Variants in TLCD3B observed in about 807,000 individuals in gnomAD.
TLCD3B encodes ceramide synthase.
In TLCD3B, 9 loss-of-function variants were observed where a neutral mutation model predicts 23.0. That is an observed-to-expected ratio of 0.39 (90% CI 0.24 to 0.68). The LOEUF (loss-of-function observed/expected upper bound fraction) is 0.68, where lower values mean the gene tolerates loss of function less well. Ranked by LOEUF, TLCD3B falls within the 30% of genes least tolerant of loss-of-function variation. The pLI is 0.44. For synonymous variants in TLCD3B, 161 were observed against 161.0 expected (o/e 1.00, Z 0.00); for missense variants, 307 against 371.8 (o/e 0.83, Z 1.43).
intron 3 of TLCD3B, among the ~76,000 whole-genome samples, chr16:30,037,714 G>A (rs1368328588): frequency 1.4e-5 from 2 of 144,958 alleles, no homozygotes; most frequent in Non-Finnish European, 3.0e-5. Flanking sequence ...TCCATCCTGG[G>A]CAACAGAGTA....
chr16:30,043,837 A>T (rs1450213035), intron 2 of TLCD3B, among the ~76,000 whole-genome samples: 1 of 150,066 alleles, frequency 6.7e-6, no homozygotes, highest in Non-Finnish European at 1.5e-5. Flanking sequence ...GCAAGCCACC[A>T]CCATGCACGG....
At chr16:30,036,723 T>C (rs1177025679) in intron 3 of TLCD3B, among the ~76,000 whole-genome samples, 3 of 152,080 alleles carry the variant, frequency 2.0e-5, no homozygotes, top group East Asian at 1.9e-4. Context: ...TTAGAATCCA[T>C]TGGTGACTTG....
chr16:30,035,471 G>T (rs2071450365), upstream of TLCD3B: 3 of 1,289,506 alleles, frequency 2.3e-6, no homozygotes, highest in Non-Finnish European at 3.0e-6. Context: ...GAACAGCAGG[G>T]TCATGCCTGC....
At chr16:30,039,165 C>T (rs1032568588) in intron 3 of TLCD3B, among the ~76,000 whole-genome samples, 1 of 123,336 alleles carries the variant, frequency 8.1e-6, no homozygotes, top group African/African-American at 3.1e-5. Flanking sequence ...ATCCAGGTAT[C>T]CAGGCTGGAG....
chr16:30,027,779 TG>T, intron 2 of TLCD3B: 1 of 412,244 alleles, frequency 2.4e-6, no homozygotes, highest in South Asian at 1.8e-5. Context: ...AAGACTGGCC[TG>T]GGGTGGGGGC....
At chr16:30,036,466 G>C in intron 3 of TLCD3B, 1 of 1,204,300 alleles carries the variant, frequency 8.3e-7, no homozygotes, top group Non-Finnish European at 1.1e-6. Context: ...ACCAGGTCCT[G>C]CCATCCTGCC....
chr16:30,032,352 C>T (rs548331950), upstream of TLCD3B, among the ~76,000 whole-genome samples: 4 of 152,318 alleles, frequency 2.6e-5, no homozygotes, highest in East Asian at 7.7e-4. Context: ...TCTGCCAGAG[C>T]CCACTCCTCG....
chr16:30,039,910 G>T (rs1279329378), intron 3 of TLCD3B, among the ~76,000 whole-genome samples: 1 of 151,786 alleles, frequency 6.6e-6, no homozygotes, highest in African/African-American at 2.4e-5. Context: ...GAAGGGGGTG[G>T]ATCACCTGAG....
Position 30,029,581 on chromosome 16 carries a change from C to G in TLCD3B, c.126-66G>C. The G allele has an allele frequency of 7.5e-7, 1 of 1,341,450 alleles. No individual in the cohort carries two copies. Among genetic ancestry groups the G allele is most frequent in the Non-Finnish European group, 1.1e-6 (1 of 944,804 alleles). 83.1% of individuals were successfully genotyped at this position (1,341,450 alleles called of 1,614,324 possible). On this transcript the variant is annotated intron_variant, in intron 1 of 4. Transcript: ENST00000380495. The surrounding 1 kb of genome is among the most constrained non-coding windows in gnomAD (Gnocchi z 4.6). The stretch of plus-strand genomic sequence containing the variant: ...AGAGGCGTGTGCCTTGATTTCTCCT[C>G]GTTGCTAGTCTAACGACTGCGCTTT...
chr16:30,048,108 C>G (rs542116280), intron 1 of TLCD3B, among the ~76,000 whole-genome samples: 1 of 150,596 alleles, frequency 6.6e-6, no homozygotes, highest in Non-Finnish European at 1.5e-5. Flanking sequence ...CACAACTGCA[C>G]TCCAGCCTGG....
chr16:30,045,967 G>A (rs552678365), intron 2 of TLCD3B, among the ~76,000 whole-genome samples: 1 of 152,116 alleles, frequency 6.6e-6, no homozygotes, highest in African/African-American at 2.4e-5. Context: ...AAAATTAGCT[G>A]GGCGTGGTGC....
intron 2 of TLCD3B, among the ~76,000 whole-genome samples, chr16:30,044,527 G>A (rs918614863): frequency 3.3e-5 from 5 of 152,130 alleles, no homozygotes; most frequent in African/African-American, 1.2e-4. Flanking sequence ...GCCCAGGCTG[G>A]TCTCAAACTC....
At chr16:30,045,802 A>C (rs569101989) in intron 2 of TLCD3B, among the ~76,000 whole-genome samples, 7 of 150,822 alleles carry the variant, frequency 4.6e-5, no homozygotes, top group African/African-American at 1.7e-4. Flanking sequence ...GATGCACCAC[A>C]TACTCTGAAC....
In TLCD3B at chr16:30,029,565, T is replaced by C. The variant is rs991865428; in HGVS notation, c.126-50A>G. 4.1e-6 allele frequency: 6 copies of C among 1,476,896 alleles called. No individual in the cohort carries two copies. In the African/African-American group the frequency reaches 5.5e-5, roughly 14 times the overall value. 91.5% of individuals were successfully genotyped at this position (1,476,896 alleles called of 1,614,324 possible). On this transcript the variant is annotated intron_variant, in intron 1 of 4. Coordinates refer to ENST00000380495, the MANE Select transcript of TLCD3B (RefSeq NM_031478.6). This position sits in a 1 kb window ranked among gnomAD's most constrained non-coding sequence, Gnocchi z 4.6. ...AGAAAGGCAGAAGGGAAGAGGCGTG[T>C]GCCTTGATTTCTCCTCGTTGCTAGT...
chr16:30,025,753 G>T lies in TLCD3B; in HGVS notation c.513C>A (p.Phe171Leu). ...CMLMAEVSTP[F>L]VCLGKILIQY... Reference sequence around the variant, plus strand: ...GGATGAGGATCTTGCCAAGGCAGACGAAGGGCGTGCTGACCTCTGCCATCA... The same window carrying T: ...GGATGAGGATCTTGCCAAGGCAGACTAAGGGCGTGCTGACCTCTGCCATCA... The change falls in exon 4 of 5, where the codon TTC (phenylalanine) becomes TTA (leucine). Residue 171 changes from phenylalanine to leucine, a missense_variant. Phe to Leu is a conservative substitution (Grantham distance 22, BLOSUM62 0). Transcript: ENST00000380495. This position sits in a 1 kb window ranked among gnomAD's most constrained non-coding sequence, Gnocchi z 4.1. 2 of 1,614,144 alleles carry T rather than the reference G, an allele frequency of 1.2e-6. No homozygotes were observed. The highest frequency in any genetic ancestry group is 2.2e-5 in the East Asian group (1 of 44,876).
At chr16:30,028,866 G>A (rs2071261722) in intron 2 of TLCD3B, among the ~76,000 whole-genome samples, 1 of 152,194 alleles carries the variant, frequency 6.6e-6, no homozygotes, top group African/African-American at 2.4e-5. Flanking sequence ...CCCGCCTCCT[G>A]CCTGCACACC....
Position 30,030,448 on chromosome 16 carries a change from G to A in TLCD3B, c.80C>T (p.Pro27Leu), listed in dbSNP as rs781041194. The change falls in exon 1 of 5, where the codon CCC becomes CTC. Residue 27 changes from proline to leucine, a missense_variant. Coordinates refer to ENST00000380495, the MANE Select transcript of TLCD3B (RefSeq NM_031478.6). ...GTCGGCCTCCTCCCAGCGTAGCTGGGGCAGCCGCTGGAGCGTGTTCTTGGA... is the reference window on the plus strand; with the variant it reads ...GTCGGCCTCCTCCCAGCGTAGCTGGAGCAGCCGCTGGAGCGTGTTCTTGGA... ...LLSKNTLQRLPQLRWEEADAV... is the reference protein window; with the variant it reads ...LLSKNTLQRLLQLRWEEADAV... The A allele has an allele frequency of 4.4e-6, 7 of 1,604,756 alleles. No homozygotes were observed. Among genetic ancestry groups the A allele is most frequent in the Non-Finnish European group, 5.1e-6 (6 of 1,176,870 alleles).
intron 2 of TLCD3B, among the ~76,000 whole-genome samples, chr16:30,028,852 TC>T (rs1338063114): frequency 6.6e-6 from 1 of 152,132 alleles, no homozygotes; most frequent in African/African-American, 2.4e-5. Flanking sequence ...CTCCTCCCCG[TC>T]CCCCCGCCTC....
At position 30,029,969 on chromosome 16, in the gene TLCD3B, T is replaced by G; in HGVS notation, c.125+434A>C. On this transcript the variant is annotated intron_variant, in intron 1 of 4. Transcript: ENST00000380495. The surrounding 1 kb of genome is among the most constrained non-coding windows in gnomAD (Gnocchi z 4.6). ...AGTCACTTTCCCACTGTCTCCTGAC[T>G]GCCACCAGCCTCCACTCTGCACTCT... The G allele has an allele frequency of 8.1e-7, 1 of 1,231,922 alleles. No homozygotes were observed. The highest frequency in any genetic ancestry group is 2.3e-5 in the Admixed American group (1 of 43,760). The allele number at this position is 1,231,922 out of a possible 1,614,324, so 76.3% of individuals were successfully genotyped here.
Sources: allele counts gnomAD v4.1 joint callset (sites outside exome capture counted in the v4.1 genomes callset), GRCh38; gene constraint gnomAD v4.1.1; non-coding constraint Gnocchi (gnomAD v3.1); transcripts MANE v1.5; gene names NCBI Gene and HGNC (gene_info 2026-07-23, HGNC 2026-07-21).